Variants in PHACTR2 observed in about 807,000 individuals in gnomAD.
PHACTR2 encodes phosphatase and actin regulator 2.
Under a neutral mutation model 76.0 loss-of-function variants are expected in PHACTR2, and 30 were observed. That is an observed-to-expected ratio of 0.39 (90% CI 0.30 to 0.54). The LOEUF (loss-of-function observed/expected upper bound fraction) is 0.54. PHACTR2 is among the 20% of genes least tolerant of loss of function. PHACTR2 has a pLI of 0.61. For missense variants in PHACTR2, 696 were observed against 781.1 expected, an observed-to-expected ratio of 0.89 and a Z score of 1.30; for synonymous variants, 292 against 292.5, an observed-to-expected ratio of 1.00 and a Z score of 0.02.
At chr6:143,560,054 G>A (rs1775244082) in intron 1 of PHACTR2, among the ~76,000 whole-genome samples, 1 of 152,148 alleles carries the variant, frequency 6.6e-6, no homozygotes, top group Admixed American at 6.6e-5. Context: ...TAGGGGTTAT[G>A]AGGATTGTTA....
chr6:143,540,599 GATT>G (rs1330808487), intron 1 of PHACTR2, among the ~76,000 whole-genome samples: 1 of 152,024 alleles, frequency 6.6e-6, no homozygotes, highest in African/African-American at 2.4e-5. Context: ...GACTATGCTA[GATT>G]ATTACTAGAT....
chr6:143,603,800 T>G (rs1442129597), upstream of PHACTR2, among the ~76,000 whole-genome samples: 1 of 152,134 alleles, frequency 6.6e-6, no homozygotes, highest in Non-Finnish European at 1.5e-5. Flanking sequence ...GCTCAAATGT[T>G]TTTAGAAGAG....
Position 143,738,559 on chromosome 6 carries a change from G to A in PHACTR2, c.215-10426G>A, listed in dbSNP as rs1778870096. Among the ~76,000 whole-genome samples, 1 of 151,812 alleles carries A rather than the reference G, an allele frequency of 6.6e-6. No homozygotes were observed. Among genetic ancestry groups the A allele is most frequent in the African/African-American group, 2.4e-5 (1 of 41,290 alleles). ...GATCACTTGAGCTCACGACCAGCCT[G>A]GGCAACATGACAAAACCCCATCTCT... On this transcript the variant is annotated intron_variant, in intron 2 of 12. Transcript: ENST00000440869. The surrounding 1 kb of genome is among the most constrained non-coding windows in gnomAD (Gnocchi z 4.0).
In PHACTR2 at chr6:143,659,053, C is replaced by T. The variant is rs1409592609; in HGVS notation, c.13+50731C>T. On this transcript the variant is annotated intron_variant, in intron 1 of 11. Transcript: ENST00000305766. This position sits in a 1 kb window ranked among gnomAD's most constrained non-coding sequence, Gnocchi z 5.0. Reference sequence around the variant, plus strand: ...AAAAAAAAAAAGATAAAAAATGGCACACTTCTATAGGACACTTACCATGAA... The same window carrying T: ...AAAAAAAAAAAGATAAAAAATGGCATACTTCTATAGGACACTTACCATGAA... 2.0e-5 allele frequency among the ~76,000 whole-genome samples: 3 copies of T among 151,304 alleles called. No homozygotes were observed. Among genetic ancestry groups the T allele is most frequent in the Admixed American group, 6.6e-5 (1 of 15,190 alleles).
Position 143,592,615 on chromosome 6 carries a change from C to A in PHACTR2, c.217+55408C>A, listed in dbSNP as rs1459729170. Among the ~76,000 whole-genome samples, 4 of 152,038 alleles carry A rather than the reference C, an allele frequency of 2.6e-5. No homozygotes were observed. Among genetic ancestry groups the A allele is most frequent in the Non-Finnish European group, 5.9e-5 (4 of 68,004 alleles). Reference sequence around the variant, plus strand: ...GCTCTTTCCATTAACCTAGTAATGTCCTTCCCTCTGTCTGTCCATCTCATC... The same window carrying A: ...GCTCTTTCCATTAACCTAGTAATGTACTTCCCTCTGTCTGTCCATCTCATC... On this transcript the variant is annotated intron_variant, in intron 1 of 11. Transcript: ENST00000367584. This position sits in a 1 kb window ranked among gnomAD's most constrained non-coding sequence, Gnocchi z 4.0.
At chr6:143,799,774 A>G (rs1775912390) in intron 11 of PHACTR2, among the ~76,000 whole-genome samples, 1 of 152,160 alleles carries the variant, frequency 6.6e-6, no homozygotes, top group African/African-American at 2.4e-5. Context: ...GTTCGTTTAC[A>G]TTTGCTGAGG....
chr6:143,675,603 G>A (rs1311700016), upstream of PHACTR2, among the ~76,000 whole-genome samples: 3 of 152,270 alleles, frequency 2.0e-5, no homozygotes, highest in South Asian at 2.1e-4. The surrounding 1 kb of genome is among the most constrained non-coding windows in gnomAD (Gnocchi z 4.9). Context: ...TAAGAGATTG[G>A]TTTAGAAATA....
intron 2 of PHACTR2, among the ~76,000 whole-genome samples, chr6:143,723,084 A>T (rs1582811702): frequency 6.6e-6 from 1 of 152,152 alleles, no homozygotes; most frequent in African/African-American, 2.4e-5. Flanking sequence ...CTGGCATCTC[A>T]TTCCTATTTT....
chr6:143,677,991 G>C lies in PHACTR2; in HGVS notation c.-173G>C. On this transcript the variant is annotated 5_prime_UTR_variant, in exon 1 of 13. Coordinates refer to ENST00000440869, the MANE Select transcript of PHACTR2 (RefSeq NM_001100164.2). The stretch of plus-strand genomic sequence containing the variant: ...TCCGCTGGGCAGGATCCGCCGCGCC[G>C]GCTGCGGCCGGCCGGGCTGGGAGAC... The C allele has an allele frequency of 7.2e-7, 1 of 1,390,530 alleles. No homozygotes were observed. 86.1% of individuals were successfully genotyped at this position (1,390,530 alleles called of 1,614,324 possible). A position where few individuals can be genotyped will look rare whatever the true frequency, so the allele number is the denominator to read the frequency against.
Position 143,767,495 on chromosome 6 carries a change from T to C in PHACTR2, c.1232+1697T>C, listed in dbSNP as rs530278685. On this transcript the variant is annotated intron_variant, in intron 6 of 12. Coordinates refer to ENST00000440869, the MANE Select transcript of PHACTR2 (RefSeq NM_001100164.2). The surrounding 1 kb of genome is among the most constrained non-coding windows in gnomAD (Gnocchi z 4.4). The stretch of plus-strand genomic sequence containing the variant: ...TAATAAAAGATATGGGAAAAGAAGA[T>C]TTATTGAAATGAACGGTTATGGTGT... Among the ~76,000 whole-genome samples the C allele has an allele frequency of 1.3e-5, 2 of 152,216 alleles. No individual in the cohort carries two copies. The highest frequency in any genetic ancestry group is 2.9e-5 in the Non-Finnish European group (2 of 68,020).
chr6:143,588,012 C>CTAAAA (rs56155115), intron 1 of PHACTR2, among the ~76,000 whole-genome samples: 41,463 of 137,540 alleles, frequency 0.3, 6,547 homozygotes, highest in South Asian at 0.4. Context: ...AACTCTGTCT[C>CTAAAA]TAAAATAAAA....
Position 143,556,857 on chromosome 6 carries a change from C to A in PHACTR2, c.217+19650C>A, listed in dbSNP as rs1234753975. Reference sequence around the variant, plus strand: ...AGTGTGTCATTTAAGAGTAAGTATTCTTTTTTAAAAATATGGGCCAGGAAC... The same window carrying A: ...AGTGTGTCATTTAAGAGTAAGTATTATTTTTTAAAAATATGGGCCAGGAAC... On this transcript the variant is annotated intron_variant, in intron 1 of 11. Coordinates refer to the PHACTR2 transcript ENST00000367584. The surrounding 1 kb of genome is among the most constrained non-coding windows in gnomAD (Gnocchi z 4.3). Among the ~76,000 whole-genome samples the A allele has an allele frequency of 6.6e-6, 1 of 152,152 alleles. No homozygotes were observed. Among genetic ancestry groups the A allele is most frequent in the Non-Finnish European group, 1.5e-5 (1 of 68,010 alleles).
chr6:143,603,821 G>A (rs1201273740), upstream of PHACTR2, among the ~76,000 whole-genome samples: 2 of 152,150 alleles, frequency 1.3e-5, no homozygotes. Flanking sequence ...ATTTTCAGCT[G>A]GGTGGGGTGG....
At chr6:143,737,268 C>CA (rs1412879011) in intron 2 of PHACTR2, among the ~76,000 whole-genome samples, 1 of 150,888 alleles carries the variant, frequency 6.6e-6, no homozygotes. Context: ...TAGTATATAG[C>CA]AGTCTATTCT....
chr6:143,720,389 C>G (rs1289414860), intron 2 of PHACTR2, among the ~76,000 whole-genome samples: 1 of 151,950 alleles, frequency 6.6e-6, no homozygotes, highest in African/African-American at 2.4e-5. Flanking sequence ...AGGGAGGTTA[C>G]AGTTTCAAAT....
intron 1 of PHACTR2, among the ~76,000 whole-genome samples, chr6:143,686,458 A>G (rs1777523277): frequency 6.7e-6 from 1 of 150,244 alleles, no homozygotes. Flanking sequence ...ATGTACACAC[A>G]CATAGAGGAG....
At chr6:143,674,652 T>C (rs1041698042), upstream of PHACTR2, among the ~76,000 whole-genome samples, 2 of 152,058 alleles carry the variant, frequency 1.3e-5, no homozygotes, top group Non-Finnish European at 2.9e-5. The surrounding 1 kb of genome is among the most constrained non-coding windows in gnomAD (Gnocchi z 4.9). Flanking sequence ...ACCCCTAACA[T>C]CTGGTGTCTC....
intron 1 of PHACTR2, among the ~76,000 whole-genome samples, chr6:143,685,989 A>G (rs1257904683): frequency 6.6e-6 from 1 of 152,050 alleles, no homozygotes; most frequent in Non-Finnish European, 1.5e-5. Context: ...GAAATTAGCC[A>G]GGTGTGGTGG....
In PHACTR2 at chr6:143,757,315, C is replaced by T. The variant is rs920543783; in HGVS notation, c.455-3086C>T. On this transcript the variant is annotated intron_variant, in intron 4 of 12. Transcript: ENST00000440869. The surrounding 1 kb of genome is among the most constrained non-coding windows in gnomAD (Gnocchi z 4.2). ...AAACGGGCAATTGTAGTGCAAGATG[C>T]GAAGTACCGTAGAAGGCCTGAGCAC... Among the ~76,000 whole-genome samples the T allele has an allele frequency of 4.6e-5, 7 of 152,106 alleles. No individual in the cohort carries two copies. The highest frequency in any genetic ancestry group is 1.7e-4 in the African/African-American group (7 of 41,408).
Sources: gnomAD v4.1 joint callset for allele counts (sites outside exome capture counted in the v4.1 genomes callset) on GRCh38, gnomAD v4.1.1 for gene constraint, Gnocchi (gnomAD v3.1) non-coding constraint, MANE v1.5 for transcripts, NCBI Gene and HGNC (gene_info 2026-07-23, HGNC 2026-07-21) for gene names.